Variants in OSBP2 observed in about 807,000 individuals in gnomAD.
The protein encoded by OSBP2 is oxysterol binding protein 2.
A neutral mutation model predicts 96.0 loss-of-function variants in OSBP2; 66 were observed. That is an observed-to-expected ratio of 0.69 (90% CI 0.56 to 0.84). The LOEUF (loss-of-function observed/expected upper bound fraction) is 0.84, where lower values mean the gene tolerates loss of function less well. Among genes scored for constraint, OSBP2 ranks in the 40% least tolerant of loss-of-function variants. The pLI is 0.00. For missense variants in OSBP2, 1,038 were observed against 1,222.7 expected, an observed-to-expected ratio of 0.85 and a Z score of 2.25; for synonymous variants, 525 against 520.9, an observed-to-expected ratio of 1.01 and a Z score of -0.11.
chr22:30,772,426 A>G (rs1194781822), intron 2 of OSBP2, among the ~76,000 whole-genome samples: 1 of 152,218 alleles, frequency 6.6e-6, no homozygotes, highest in African/African-American at 2.4e-5. Flanking sequence ...GTCTCTGTTA[A>G]GCACCAGAAG....
At chr22:30,893,429 G>A in intron 9 of OSBP2, 34 bp from the exon 10 acceptor site, 1 of 1,582,930 alleles carries the variant, frequency 6.3e-7, no homozygotes, top group South Asian at 1.1e-5. Flanking sequence ...CCTGCATGGG[G>A]GGGCATGACC....
chr22:30,696,215 G>C (rs567465844), intron 1 of OSBP2, among the ~76,000 whole-genome samples: 59 of 152,320 alleles, frequency 3.9e-4, no homozygotes, highest in African/African-American at 1.2e-3. Flanking sequence ...TGGTGAGAGA[G>C]CTAACACTGT....
chr22:30,749,907 C>G (rs898064766), intron 2 of OSBP2, among the ~76,000 whole-genome samples: 3 of 152,140 alleles, frequency 2.0e-5, no homozygotes, highest in Non-Finnish European at 4.4e-5. Flanking sequence ...CGCGCCTGGC[C>G]ACAGACTCGT....
chr22:30,830,169 CA>C (rs1398619924), intron 2 of OSBP2, among the ~76,000 whole-genome samples: 1 of 152,214 alleles, frequency 6.6e-6, no homozygotes, highest in Non-Finnish European at 1.5e-5. Context: ...CTCAAACCAG[CA>C]GCAGCATCTG....
chr22:30,826,315 T>C (rs2038404728), intron 2 of OSBP2, among the ~76,000 whole-genome samples: 2 of 152,250 alleles, frequency 1.3e-5, no homozygotes, highest in African/African-American at 4.8e-5. Flanking sequence ...TGTGCTCTAA[T>C]CTCCTTCCCT....
chr22:30,793,408 G>C (rs1400882336), intron 2 of OSBP2, among the ~76,000 whole-genome samples: 2 of 152,148 alleles, frequency 1.3e-5, no homozygotes, highest in African/African-American at 4.8e-5. Flanking sequence ...GTTCACACCA[G>C]TAATCCCAGC....
At chr22:30,749,248 A>G (rs761408587) in intron 2 of OSBP2, among the ~76,000 whole-genome samples, 1 of 152,198 alleles carries the variant, frequency 6.6e-6, no homozygotes, top group Admixed American at 6.6e-5. Flanking sequence ...TGAGTGTACT[A>G]TTATTTTTAA....
intron 2 of OSBP2, among the ~76,000 whole-genome samples, chr22:30,785,670 C>A (rs2090578098): frequency 6.6e-6 from 1 of 151,998 alleles, no homozygotes; most frequent in Non-Finnish European, 1.5e-5. Flanking sequence ...ATATCCCCAC[C>A]AAATCTCATC....
intron 2 of OSBP2, among the ~76,000 whole-genome samples, chr22:30,843,723 C>T (rs1223980071): frequency 3.3e-5 from 5 of 152,008 alleles, no homozygotes; most frequent in Admixed American, 3.3e-4. Context: ...TAAAAATCAG[C>T]CCAGCATGGT....
intron 1 of OSBP2, among the ~76,000 whole-genome samples, chr22:30,707,808 C>T (rs974854020): frequency 3.9e-5 from 6 of 151,956 alleles, no homozygotes; most frequent in African/African-American, 7.3e-5. Flanking sequence ...TTGCAGTAGC[C>T]GAGGGGGAGT....
intron 1 of OSBP2, among the ~76,000 whole-genome samples, chr22:30,698,443 CTTT>C (rs1186569854): frequency 1.4e-5 from 2 of 143,152 alleles, no homozygotes; most frequent in Non-Finnish European, 1.5e-5. Flanking sequence ...TTTTCTTTTT[CTTT>C]TTTTTTTTTT....
chr22:30,771,402 G>A (rs1437020578), intron 2 of OSBP2, among the ~76,000 whole-genome samples: 1 of 152,208 alleles, frequency 6.6e-6, no homozygotes, highest in African/African-American at 2.4e-5. Context: ...GGGCAACCTG[G>A]GGTGCTGGGG....
chr22:30,858,106 T>C (rs1254730642), intron 2 of OSBP2, among the ~76,000 whole-genome samples: 1 of 151,740 alleles, frequency 6.6e-6, no homozygotes, highest in African/African-American at 2.4e-5. Context: ...GATAATCAGG[T>C]TGTGATTCAC....
chr22:30,735,340 C>T (rs2089833251), intron 1 of OSBP2, among the ~76,000 whole-genome samples: 1 of 151,490 alleles, frequency 6.6e-6, no homozygotes, highest in Non-Finnish European at 1.5e-5. Flanking sequence ...TATCTACCTG[C>T]TCTTGTTTCA....
intron 12 of OSBP2, among the ~76,000 whole-genome samples, chr22:30,901,226 G>A (rs11703001): frequency 0.031 from 4,758 of 152,074 alleles, 118 homozygotes; most frequent in Middle Eastern, 0.1. Flanking sequence ...GCGCCACCAC[G>A]CCCGACTAAT....
At chr22:30,810,271 G>C (rs1419567383) in intron 2 of OSBP2, among the ~76,000 whole-genome samples, 1 of 152,110 alleles carries the variant, frequency 6.6e-6, no homozygotes, top group Non-Finnish European at 1.5e-5. Flanking sequence ...AGGGGTGGTT[G>C]GTGTGACTCA....
intron 2 of OSBP2, among the ~76,000 whole-genome samples, chr22:30,779,814 C>T (rs1050062636): frequency 3.9e-5 from 6 of 152,140 alleles, no homozygotes; most frequent in Non-Finnish European, 7.4e-5. Context: ...TGTGGGGACA[C>T]GGAGAACCCT....
chr22:30,784,259 A>ATTTATTTATTT (rs572271481), intron 2 of OSBP2, among the ~76,000 whole-genome samples: 12 of 148,886 alleles, frequency 8.1e-5, no homozygotes, highest in African/African-American at 3.1e-4. Context: ...TTTATTTATT[A>ATTTATTTATTT]ATTTATTTAT....
At chr22:30,738,638 G>T (rs1376776790) in intron 1 of OSBP2, among the ~76,000 whole-genome samples, 1 of 151,042 alleles carries the variant, frequency 6.6e-6, no homozygotes, top group Admixed American at 6.6e-5. Context: ...TTGTCTCATT[G>T]CAACCTCCGC....
Sources: allele counts gnomAD v4.1 joint callset (sites outside exome capture counted in the v4.1 genomes callset), GRCh38; gene constraint gnomAD v4.1.1; transcripts MANE v1.5; gene names NCBI Gene and HGNC (gene_info 2026-07-23, HGNC 2026-07-21).